The following ACMSD variants were observed in gnomAD, a reference collection of about 807,000 sequenced individuals.
The protein encoded by ACMSD is aminocarboxymuconate semialdehyde decarboxylase.
ACMSD carries 37 observed loss-of-function variants against 45.9 expected under a neutral mutation model. The observed-to-expected ratio is 0.81, with a 90% confidence interval of 0.62 to 1.06. The LOEUF (loss-of-function observed/expected upper bound fraction) is 1.06, where lower values mean the gene tolerates loss of function less well. ACMSD is among the 50% of genes least tolerant of loss of function. The pLI, the probability that ACMSD is intolerant of heterozygous loss-of-function variation, is 0.00. For synonymous variants in ACMSD, 138 were observed against 148.8 expected (o/e 0.93, Z 0.53); for missense variants, 434 against 420.9 (o/e 1.03, Z -0.27).
chr2:134,865,341 T>C (rs1049610304), intron 5 of ACMSD, among the ~76,000 whole-genome samples: 1 of 152,232 alleles, frequency 6.6e-6, no homozygotes, highest in African/African-American at 2.4e-5. Context: ...TGCATCCAAG[T>C]TGTTTCAGCA....
At chr2:134,865,019 A>G (rs918418195) in intron 5 of ACMSD, among the ~76,000 whole-genome samples, 12 of 152,208 alleles carry the variant, frequency 7.9e-5, no homozygotes, top group African/African-American at 2.7e-4. Flanking sequence ...TATTTTCATT[A>G]TAAATGCAAA....
chr2:134,872,060 G>A (rs897086380), intron 7 of ACMSD, among the ~76,000 whole-genome samples: 17 of 151,212 alleles, frequency 1.1e-4, no homozygotes, highest in Non-Finnish European at 1.0e-4. Context: ...AGGTTCAAGC[G>A]ATTCTCCTGT....
At chr2:134,891,152 G>A (rs1689761546) in intron 8 of ACMSD, among the ~76,000 whole-genome samples, 1 of 151,940 alleles carries the variant, frequency 6.6e-6, no homozygotes, top group African/African-American at 2.4e-5. Context: ...AGTTCCATTT[G>A]TCTATTTTTG....
intron 2 of ACMSD, among the ~76,000 whole-genome samples, chr2:134,850,084 C>T (rs1182288119): frequency 6.6e-6 from 1 of 151,062 alleles, no homozygotes; most frequent in African/African-American, 2.4e-5. Context: ...TTTGTATCCC[C>T]CGCCCCCCAA....
Position 134,886,246 on chromosome 2 carries a change from A to ATTATTATTATTATTATTTTTTTTTTTT in ACMSD, c.850-12093_850-12092insATTATTATTATTATTTTTTTTTTTTTT. ...TCATTACCCATTCATTATTATTATTATTTTTTTTTTTTTTTTTTTTTTGGC... is the reference window on the plus strand; with the variant it reads ...TCATTACCCATTCATTATTATTATTATTATTATTATTATTATTTTTTTTTTTTTTTTTTTTTTTTTTTTTTTTTTGGC... On this transcript the variant is annotated intron_variant, in intron 8 of 9. Transcript: ENST00000356140. Among the ~76,000 whole-genome samples, 46 of 115,426 alleles carry ATTATTATTATTATTATTTTTTTTTTTT rather than the reference A, an allele frequency of 4.0e-4. 1 individual carries two copies. The highest frequency in any genetic ancestry group is 1.5e-3 in the African/African-American group (41 of 27,696). 75.7% of individuals were successfully genotyped at this position (115,426 alleles called of 152,430 possible).
chr2:134,893,785 T>C (rs1285793627), intron 8 of ACMSD, among the ~76,000 whole-genome samples: 1 of 152,238 alleles, frequency 6.6e-6, no homozygotes, highest in Non-Finnish European at 1.5e-5. Flanking sequence ...AAGACATTTC[T>C]AGATGAAACA....
At chr2:134,876,779 C>A (rs1359760628) in intron 8 of ACMSD, among the ~76,000 whole-genome samples, 1 of 152,110 alleles carries the variant, frequency 6.6e-6, no homozygotes, top group Non-Finnish European at 1.5e-5. Flanking sequence ...ACATCATTAT[C>A]TGTGCTATAC....
chr2:134,871,678 GACAGAC>G (rs914521028), intron 7 of ACMSD, among the ~76,000 whole-genome samples: 76 of 137,736 alleles, frequency 5.5e-4, no homozygotes, highest in African/African-American at 2.0e-3. Context: ...CCCTTCAACA[GACAGAC>G]ACACACACAC....
At chr2:134,872,382 C>T in intron 7 of ACMSD, 87 bp from the exon 8 acceptor site, 4 of 1,476,148 alleles carry the variant, frequency 2.7e-6, no homozygotes, top group Non-Finnish European at 3.7e-6. Flanking sequence ...ATCAGCTGGC[C>T]TACAGTAACT....
intron 8 of ACMSD, 45 bp downstream of exon 8, chr2:134,872,686 C>T: frequency 6.2e-7 from 1 of 1,602,622 alleles, no homozygotes; most frequent in Non-Finnish European, 8.5e-7. Context: ...GAGCAGAATG[C>T]TGCATCAGCA....
chr2:134,893,091 TG>T (rs1462861036), intron 8 of ACMSD, among the ~76,000 whole-genome samples: 1 of 152,204 alleles, frequency 6.6e-6, no homozygotes, highest in Non-Finnish European at 1.5e-5. Context: ...TCACTGAAAC[TG>T]CATTTAATAA....
chr2:134,866,855 T>C (rs1029574098), intron 5 of ACMSD, among the ~76,000 whole-genome samples: 3 of 152,240 alleles, frequency 2.0e-5, no homozygotes, highest in Admixed American at 2.0e-4. Context: ...AGCATGCCTA[T>C]GACATTCATG....
At chr2:134,859,414 T>C in intron 3 of ACMSD, 57 bp downstream of exon 3, 1 of 1,539,716 alleles carries the variant, frequency 6.5e-7, no homozygotes. Context: ...TGTCTGCCCT[T>C]AAAGTTTGCT....
At position 134,862,355 on chromosome 2, in the gene ACMSD, T is replaced by C. The variant is rs1339718252; in HGVS notation, c.249+337T>C. 3.3e-5 allele frequency among the ~76,000 whole-genome samples: 5 copies of C among 152,174 alleles called. 1 individual carries two copies. In the East Asian group the frequency reaches 9.6e-4, roughly 29 times the overall value. ...GGGGAACTGACAAGCTAATATCTTC[T>C]GAGACGAGAATGATTTTGAGGTAGG... is the stretch of plus-strand genomic sequence containing the variant. On this transcript the variant is annotated intron_variant, in intron 4 of 9. Coordinates refer to ENST00000356140, the MANE Select transcript of ACMSD (RefSeq NM_138326.3).
chr2:134,863,507 C>G lies in ACMSD; in HGVS notation c.362C>G (p.Ala121Gly). The G allele has an allele frequency of 6.2e-7, 1 of 1,614,244 alleles. No homozygotes were observed. The highest frequency in any genetic ancestry group is 1.7e-5 in the Admixed American group (1 of 60,038). ...GGTCTGGGGACGTTGCCCATGCAGG[C>G]CCCTGAGCTGGCGGTCAAGGAGATG... ...FVGLGTLPMQ[A>G]PELAVKEMER... Residue 121 changes from alanine to glycine, a missense_variant, in exon 5 of 10, where the codon GCC (alanine) becomes GGC (glycine). Ala to Gly is a moderately conservative substitution (Grantham distance 60). Transcript: ENST00000356140.
intron 8 of ACMSD, chr2:134,873,665 A>G (rs1371028148): frequency 2.6e-5 from 4 of 152,248 alleles, no homozygotes; most frequent in Non-Finnish European, 4.4e-5. Context: ...GCTTGAGAAA[A>G]TAACCAGAAT....
In ACMSD at chr2:134,845,099, C is replaced by T. The variant is rs577042516; in HGVS notation, c.58-134C>T. 6.0e-5 allele frequency: 48 copies of T among 797,370 alleles called. No individual in the cohort carries two copies. The South Asian group carries it at 6.3e-4, about 10-fold the overall frequency. 49.4% of individuals were successfully genotyped at this position (797,370 alleles called of 1,614,324 possible). On this transcript the variant is annotated intron_variant, in intron 1 of 9. Transcript: ENST00000356140. ...AATTTAATTGTAAATACTAAATAGG[C>T]GATACATGGGTATGGGGGAAATGGG...
In ACMSD at chr2:134,898,392, C is replaced by T. The variant is rs1690300452; in HGVS notation, c.901C>T (p.Pro301Ser). 1 of 1,602,158 alleles carries T rather than the reference C, an allele frequency of 6.2e-7. No individual in the cohort carries two copies. Among genetic ancestry groups the T allele is most frequent in the South Asian group, 1.1e-5 (1 of 89,242 alleles). ...CCCCTTTCCACTAGGTGAGCTGGAA[C>T]CTGGGAAACTAATAGAGTCCATGGA... ...DYPFPLGELEPGKLIESMEEF... is the reference protein window; with the variant it reads ...DYPFPLGELESGKLIESMEEF... Residue 301 changes from proline to serine, a missense_variant, in exon 9 of 10, where the codon CCT becomes TCT. By Grantham distance (74) the Pro-to-Ser change is moderately conservative. Coordinates refer to ENST00000356140, the MANE Select transcript of ACMSD (RefSeq NM_138326.3).
intron 8 of ACMSD, among the ~76,000 whole-genome samples, chr2:134,874,472 G>T (rs1043594673): frequency 1.3e-5 from 2 of 152,156 alleles, no homozygotes; most frequent in Non-Finnish European, 2.9e-5. Context: ...GCTAAGGAAA[G>T]TCCTAGCTAG....
Sources: gnomAD v4.1 joint callset for allele counts (sites outside exome capture counted in the v4.1 genomes callset) on GRCh38, gnomAD v4.1.1 for gene constraint, MANE v1.5 for transcripts, NCBI Gene and HGNC (gene_info 2026-07-23, HGNC 2026-07-21) for gene names.